The following SERPINB13 variants were observed in gnomAD, a reference collection of about 807,000 sequenced individuals.
SERPINB13 encodes the protein serpin B13.
Under a neutral mutation model 31.2 loss-of-function variants are expected in SERPINB13, and 26 were observed. The ratio of observed to expected loss-of-function variants is 0.83; its 90% CI spans 0.61 to 1.15. The LOEUF (loss-of-function observed/expected upper bound fraction) is 1.15. SERPINB13 is among the 50% of genes most tolerant of loss of function. SERPINB13 has a pLI of 0.00. For missense variants in SERPINB13, 510 were observed against 469.4 expected (o/e 1.09, Z -0.80); for synonymous variants, 191 against 172.4 (o/e 1.11, Z -0.85).
At chr18:63,593,954 T>G in intron 5 of SERPINB13, 1 of 471,888 alleles carries the variant, frequency 2.1e-6, no homozygotes, top group Non-Finnish European at 4.4e-6. Flanking sequence ...GGTATTCTAA[T>G]AGCTTTACAT....
In SERPINB13 at chr18:63,594,394, G is replaced by C. The variant is rs544319890; in HGVS notation, c.512G>C (p.Ser171Thr). The C allele has an allele frequency of 1.7e-5, 27 of 1,614,164 alleles. No individual in the cohort carries two copies. Among genetic ancestry groups the C allele is most frequent in the Non-Finnish European group, 2.2e-5 (26 of 1,180,016 alleles). The change falls in exon 6 of 8, where the codon AGC becomes ACC. Residue 171 changes from serine to threonine, a missense_variant. Ser to Thr is a moderately conservative substitution (Grantham distance 58). Transcript: ENST00000344731. ...KDLFPDGSIS[S>T]STKLVLVNMV... ...TTGTTCCCAGATGGCTCTATTAGTAGCTCTACCAAGCTGGTGCTGGTGAAC... is the reference window on the plus strand; with the variant it reads ...TTGTTCCCAGATGGCTCTATTAGTACCTCTACCAAGCTGGTGCTGGTGAAC...
Position 63,589,727 on chromosome 18 carries a change from G to T in SERPINB13, c.225+12G>T, listed in dbSNP as rs1206206996. ...AAGAAAAAGAGGTGGTAAGAATAAA[G>T]GCTGAAGGAAAAGAGGTGGGGAGAT... On this transcript the variant is annotated intron_variant, in intron 3 of 7. Transcript: ENST00000344731. The T allele has an allele frequency of 6.2e-7, 1 of 1,613,610 alleles. No homozygotes were observed. Among genetic ancestry groups the T allele is most frequent in the Non-Finnish European group, 8.5e-7 (1 of 1,179,706 alleles).
chr18:63,596,312 C>G (rs948168431), intron 7 of SERPINB13, among the ~76,000 whole-genome samples: 1 of 152,120 alleles, frequency 6.6e-6, no homozygotes, highest in African/African-American at 2.4e-5. Context: ...TCAAAAACCC[C>G]AGTTGTGGGA....
intron 7 of SERPINB13, among the ~76,000 whole-genome samples, chr18:63,596,253 G>A (rs1056686909): frequency 6.6e-6 from 1 of 152,132 alleles, no homozygotes; most frequent in African/African-American, 2.4e-5. Flanking sequence ...AAAATATTTT[G>A]AGACAGCAAA....
rs1912236230 is a variant in SERPINB13 at position 63,597,251 on chromosome 18, T to C, written c.1064T>C (p.Val355Ala). 1 of 1,614,094 alleles carries C rather than the reference T, an allele frequency of 6.2e-7. No homozygotes were observed. The highest frequency in any genetic ancestry group is 1.1e-5 in the South Asian group (1 of 91,086). Residue 355 changes from valine (V) to alanine (A), a missense_variant, in exon 8 of 8, where the codon GTC becomes GCC. Transcript: ENST00000344731. Reference protein sequence around the residue: ...AAAATGIGFTVTSAPGHENVH... With the variant: ...AAAATGIGFTATSAPGHENVH... ...GCTGCCACCGGCATAGGCTTTACTG[T>C]CACATCCGCCCCAGGTCATGAAAAT...
In SERPINB13 at chr18:63,597,213, C is replaced by A. The variant is rs375530245; in HGVS notation, c.1026C>A (p.Gly342=). The part of the protein sequence containing the change: ...HSSFVAVTEE[G]TEAAAATGIG... ...CCTTTGTGGCAGTAACTGAGGAAGG[C>A]ACCGAGGCTGCAGCTGCCACCGGCA... Residue 342 remains glycine, a synonymous_variant, in exon 8 of 8, where the codon GGC becomes GGA. Transcript: ENST00000344731. 82 of 1,614,078 alleles carry A rather than the reference C, an allele frequency of 5.1e-5. No homozygotes were observed. The highest frequency in any genetic ancestry group is 6.7e-5 in the Non-Finnish European group (79 of 1,180,050).
At position 63,597,410 on chromosome 18, in the gene SERPINB13, C is replaced by T. The variant is rs1331309156; in HGVS notation, c.*47C>T. ...GCTGCTTTTAGCAAAAAACAACTAC[C>T]AGTGTTACTCATATGATTATGAAAA... On this transcript the variant is annotated 3_prime_UTR_variant, in exon 8 of 8. Transcript: ENST00000344731. 6.6e-7 allele frequency: 1 copy of T among 1,522,886 alleles called. No individual in the cohort carries two copies. The highest frequency in any genetic ancestry group is 8.9e-7 in the Non-Finnish European group (1 of 1,124,710). The allele number at this position is 1,522,886 out of a possible 1,614,324, so 94.3% of individuals were successfully genotyped here.
intron 7 of SERPINB13, among the ~76,000 whole-genome samples, chr18:63,595,766 G>A (rs1568148487): frequency 6.6e-6 from 1 of 152,090 alleles, no homozygotes; most frequent in Non-Finnish European, 1.5e-5. Context: ...TGGCGTGGTT[G>A]TGGGCGCCTG....
At chr18:63,595,790 T>G (rs1424280788) in intron 7 of SERPINB13, among the ~76,000 whole-genome samples, 1 of 151,982 alleles carries the variant, frequency 6.6e-6, no homozygotes, top group Non-Finnish European at 1.5e-5. Flanking sequence ...TCCCAGCTAC[T>G]CGGGAGGCTG....
chr18:63,594,457 A>G lies in SERPINB13; in HGVS notation c.575A>G (p.Lys192Arg). Residue 192 changes from lysine to arginine, a missense_variant, in exon 6 of 8, where the codon AAG (lysine) becomes AGG (arginine). Transcript: ENST00000344731. ...YFKGQWDREF[K>R]KENTKEEKFW... Reference sequence around the variant, plus strand: ...AAAGGGCAATGGGACAGGGAGTTTAAGAAAGAAAATACTAAGGAAGAGAAA... The same window carrying G: ...AAAGGGCAATGGGACAGGGAGTTTAGGAAAGAAAATACTAAGGAAGAGAAA... 6.2e-7 allele frequency: 1 copy of G among 1,614,182 alleles called. No individual in the cohort carries two copies. Among genetic ancestry groups the G allele is most frequent in the Non-Finnish European group, 8.5e-7 (1 of 1,180,014 alleles).
chr18:63,589,687 C>T lies in SERPINB13; in HGVS notation c.197C>T (p.Ser66Leu), dbSNP rs754068680. ...VFHSEKETKS[S>L]RIKAEEKEVI... ...CACTCTGAAAAAGAGACGAAGAGCTCAAGAATAAAGGCTGAAGAAAAAGAG... is the reference window on the plus strand; with the variant it reads ...CACTCTGAAAAAGAGACGAAGAGCTTAAGAATAAAGGCTGAAGAAAAAGAG... Residue 66 changes from serine (S) to leucine (L), a missense_variant, in exon 3 of 8, where the codon TCA becomes TTA. Physicochemically the swap from Ser to Leu is moderately radical, Grantham distance 145 (BLOSUM62 -2). Coordinates refer to ENST00000344731, the MANE Select transcript of SERPINB13 (RefSeq NM_012397.4). 2 of 1,613,162 alleles carry T rather than the reference C, an allele frequency of 1.2e-6. No individual in the cohort carries two copies. Among genetic ancestry groups the T allele is most frequent in the East Asian group, 2.2e-5 (1 of 44,762 alleles).
chr18:63,594,840 A>AC (rs1031943044), intron 6 of SERPINB13, among the ~76,000 whole-genome samples, 189 bp from the exon 7 acceptor site: 1 of 151,570 alleles, frequency 6.6e-6, no homozygotes, highest in Non-Finnish European at 1.5e-5. Flanking sequence ...TCCATCCCCC[A>AC]CCCCCCCAAA....
chr18:63,594,153 T>C (rs1307989866), intron 5 of SERPINB13: 17 of 1,481,530 alleles, frequency 1.1e-5, no homozygotes, highest in Non-Finnish European at 1.4e-5. Flanking sequence ...AACCTTAATT[T>C]ATCCACTGGG....
At position 63,598,945 on chromosome 18, in the gene SERPINB13, G is replaced by A. The variant is rs1599457830; in HGVS notation, c.*1582G>A. ...TGTCTTTATGATTATAGCCATTTTT[G>A]TAGGTACAAAGTGGCATCTCATGGT... On this transcript the variant is annotated 3_prime_UTR_variant, in exon 8 of 8. Coordinates refer to ENST00000344731, the MANE Select transcript of SERPINB13 (RefSeq NM_012397.4). The A allele has an allele frequency of 6.6e-6, 1 of 152,136 alleles. No homozygotes were observed. The highest frequency in any genetic ancestry group is 2.4e-5 in the African/African-American group (1 of 41,426). 9.4% of individuals were successfully genotyped at this position (152,136 alleles called of 1,614,324 possible).
In SERPINB13 at chr18:63,596,991, A is replaced by G. The variant is rs1162242337; in HGVS notation, c.804A>G (p.Val268=). Reference sequence around the variant, plus strand: ...ATAAAATAAGTCCTGAGAAATTGGTAGAGTGGACTAGTCCAGGGCATATGG... The same window carrying G: ...ATAAAATAAGTCCTGAGAAATTGGTGGAGTGGACTAGTCCAGGGCATATGG... ...IIDKISPEKL[V]EWTSPGHMEE... The change falls in exon 8 of 8, where the codon GTA becomes GTG. Residue 268 remains valine, a synonymous_variant. Coordinates refer to ENST00000344731, the MANE Select transcript of SERPINB13 (RefSeq NM_012397.4). 4 of 1,612,662 alleles carry G rather than the reference A, an allele frequency of 2.5e-6. No homozygotes were observed. The highest frequency in any genetic ancestry group is 1.7e-5 in the Admixed American group (1 of 59,700).
At chr18:63,592,121 T>C (rs1355894170) in intron 3 of SERPINB13, among the ~76,000 whole-genome samples, 1 of 152,170 alleles carries the variant, frequency 6.6e-6, no homozygotes, top group Non-Finnish European at 1.5e-5. Flanking sequence ...ATCTGTGGTG[T>C]TGGGCTGGCA....
chr18:63,592,455 AAAAACAT>A lies in SERPINB13; in HGVS notation c.335_341del (p.Lys112ThrfsTer8). On this transcript the variant is annotated frameshift_variant, in exon 4 of 8. Transcript: ENST00000344731. LOFTEE classifies it high-confidence loss of function. ...ACATAACCAACAGGCTGTTTGGAGA[AAAAACAT>A]ACCTCTTCCTTCAAGTAAGTTTGCC... is the stretch of plus-strand genomic sequence containing the variant. The A allele has an allele frequency of 6.2e-7, 1 of 1,613,634 alleles. No individual in the cohort carries two copies. Among genetic ancestry groups the A allele is most frequent in the Non-Finnish European group, 8.5e-7 (1 of 1,179,864 alleles).
Position 63,589,907 on chromosome 18 carries a change from C to T in SERPINB13, c.225+192C>T, listed in dbSNP as rs930005937. 2.4e-5 allele frequency: 27 copies of T among 1,147,888 alleles called. No individual in the cohort carries two copies. The African/African-American group carries it at 3.9e-4, about 17-fold the overall frequency. The allele number at this position is 1,147,888 out of a possible 1,614,324, so 71.1% of individuals were successfully genotyped here. A position where few individuals can be genotyped will look rare whatever the true frequency, so the allele number is the denominator to read the frequency against. On this transcript the variant is annotated intron_variant, in intron 3 of 7. Transcript: ENST00000344731. ...TGTAAGGATTATACAATAATAATAA[C>T]CCCTTAATATTGAGAAGAGACCTTA...
Position 63,592,847 on chromosome 18 carries a change from C to T in SERPINB13, c.355-7C>T, listed in dbSNP as rs1911934780. The T allele has an allele frequency of 3.9e-6, 6 of 1,522,502 alleles. No individual in the cohort carries two copies. Among genetic ancestry groups the T allele is most frequent in the South Asian group, 2.4e-5 (2 of 84,354 alleles). The allele number at this position is 1,522,502 out of a possible 1,614,324, so 94.3% of individuals were successfully genotyped here. ...CTCTTTTTATTCCTTCCTTGTTTCTCCTAAAGAAATACTTAGATTATGTTG... is the reference window on the plus strand; with the variant it reads ...CTCTTTTTATTCCTTCCTTGTTTCTTCTAAAGAAATACTTAGATTATGTTG... On this transcript the variant is annotated splice_polypyrimidine_tract_variant and splice_region_variant and intron_variant, in intron 4 of 7. Transcript: ENST00000344731.
Sources: gnomAD v4.1 joint callset for allele counts (sites outside exome capture counted in the v4.1 genomes callset) on GRCh38, gnomAD v4.1.1 for gene constraint, MANE v1.5 for transcripts, NCBI Gene and HGNC (gene_info 2026-07-23, HGNC 2026-07-21) for gene names.